Variants in TMUB2 observed in about 807,000 individuals in gnomAD.
TMUB2 encodes transmembrane and ubiquitin like domain containing 2, also known as transmembrane and ubiquitin-like domain-containing protein 2.
Under a neutral mutation model 20.2 loss-of-function variants are expected in TMUB2, and 19 were observed. The ratio of observed to expected loss-of-function variants is 0.94; its 90% confidence interval spans 0.66 to 1.38. The LOEUF (loss-of-function observed/expected upper bound fraction) is 1.38. TMUB2 is among the 40% of genes most tolerant of loss of function. The pLI is 0.00. For synonymous variants in TMUB2, 186 were observed against 166.0 expected, an observed-to-expected ratio of 1.12 and a Z score of -0.92; for missense variants, 426 against 402.5, an observed-to-expected ratio of 1.06 and a Z score of -0.50.
chr17:44,190,659 C>T lies in TMUB2; in HGVS notation c.761C>T (p.Ala254Val), dbSNP rs373496652. ...GGGTCAGCTGTTCCAGGCCCCTCAG[C>T]CTCCTTGGCCCCCTCGGCCACTGAG... Reference protein sequence around the residue: ...PPGSAVPGPSASLAPSATEPP... With the variant: ...PPGSAVPGPSVSLAPSATEPP... The change falls in exon 4 of 4, where the codon GCC becomes GTC. Residue 254 changes from alanine (A) to valine (V), a missense_variant. By Grantham distance (64) the Ala-to-Val change is moderately conservative. Coordinates refer to ENST00000538716, the MANE Select transcript of TMUB2 (RefSeq NM_001076674.3). 214 of 1,614,116 alleles carry T rather than the reference C, an allele frequency of 1.3e-4. No homozygotes were observed. The highest frequency in any genetic ancestry group is 2.2e-4 in the East Asian group (10 of 44,892).
rs1445658598 is a variant in TMUB2, at chr17:44,189,107, GGTGTGGTGGTGCT to G, written c.123_135del (p.Val42PhefsTer2). The G allele has an allele frequency of 6.2e-7, 1 of 1,613,964 alleles. No individual in the cohort carries two copies. The highest frequency in any genetic ancestry group is 8.5e-7 in the Non-Finnish European group (1 of 1,180,026). Reference sequence around the variant, plus strand: ...GGGTAATGAGGTGATGGTGGTGGCAGGTGTGGTGGTGCTGATTCTAGCCTTGGTCCTAGCTTGG... The same window carrying G: ...GGGTAATGAGGTGATGGTGGTGGCAGGATTCTAGCCTTGGTCCTAGCTTGG... On this transcript the variant is annotated frameshift_variant, in exon 3 of 4. Transcript: ENST00000538716. LOFTEE classifies it high-confidence loss of function.
At chr17:44,187,829 C>T in intron 2 of TMUB2, 86 bp downstream of exon 2, 1 of 711,850 alleles carries the variant, frequency 1.4e-6, no homozygotes, top group South Asian at 1.5e-5. Context: ...TAGTAAGACG[C>T]AAGACTGGGG....
In TMUB2 at chr17:44,189,178, C is replaced by T. The variant is rs767098110; in HGVS notation, c.192C>T (p.Asn64=). The T allele has an allele frequency of 3.7e-6, 6 of 1,614,162 alleles. No homozygotes were observed. Among genetic ancestry groups the T allele is most frequent in the Non-Finnish European group, 5.1e-6 (6 of 1,180,030 alleles). The change falls in exon 3 of 4, where the codon AAC becomes AAT. Residue 64 remains asparagine, a synonymous_variant. Coordinates refer to ENST00000538716, the MANE Select transcript of TMUB2 (RefSeq NM_001076674.3). The part of the protein sequence containing the change: ...LSTYVADSGS[N]QLLGAIVSAG... ...CCTACGTAGCAGACAGCGGTAGCAA[C>T]CAGCTCCTGGGCGCTATTGTGTCAG...
rs1041390982 is a variant in TMUB2 at position 44,190,592 on chromosome 17, A to G, written c.694A>G (p.Ile232Val). The change falls in exon 4 of 4, where the codon ATT (isoleucine) becomes GTT (valine). Residue 232 changes from isoleucine to valine, a missense_variant. By Grantham distance (29) the Ile-to-Val change is conservative (BLOSUM62 3). Coordinates refer to ENST00000538716, the MANE Select transcript of TMUB2 (RefSeq NM_001076674.3). Reference sequence around the variant, plus strand: ...AGCCCGCACACTGCGTTCTCTGAACATTACCGACAACTGTGTGATTCACTG... The same window carrying G: ...AGCCCGCACACTGCGTTCTCTGAACGTTACCGACAACTGTGTGATTCACTG... Reference protein sequence around the residue: ...DPARTLRSLNITDNCVIHCHR... With the variant: ...DPARTLRSLNVTDNCVIHCHR... The G allele has an allele frequency of 2.5e-6, 4 of 1,614,150 alleles. No individual in the cohort carries two copies. In the East Asian group the frequency reaches 8.9e-5, roughly 36 times the overall value.
At position 44,191,166 on chromosome 17, in the gene TMUB2, T is replaced by G; in HGVS notation, c.*302T>G. On this transcript the variant is annotated 3_prime_UTR_variant, in exon 4 of 4. Transcript: ENST00000538716. ...TCAGTGGGGAGCCTGGGCTCTGAGA[T>G]TCCCTCCCACCTGTGGTTCTGACTC... is the stretch of plus-strand genomic sequence containing the variant. 16 of 1,125,282 alleles carry G rather than the reference T, an allele frequency of 1.4e-5. No homozygotes were observed. The highest frequency in any genetic ancestry group is 1.3e-4 in the East Asian group (2 of 15,552). 69.7% of individuals were successfully genotyped at this position (1,125,282 alleles called of 1,614,324 possible).
rs764569193 is a variant in TMUB2 at position 44,189,412 on chromosome 17, C to T, written c.426C>T (p.Gly142=). 6.2e-7 allele frequency: 1 copy of T among 1,613,906 alleles called. No individual in the cohort carries two copies. The highest frequency in any genetic ancestry group is 8.5e-7 in the Non-Finnish European group (1 of 1,179,940). The change falls in exon 3 of 4, where the codon GGC becomes GGT. Residue 142 remains glycine (G), a synonymous_variant. Transcript: ENST00000538716. ...PSLEHLLDIQ[G]LPKRQAGAGS... is the part of the protein sequence containing the mutation. ...TTGAGCATCTCCTTGACATCCAAGGCCTGCCCAAAAGACAAGCAGGTGCAG... is the reference window on the plus strand; with the variant it reads ...TTGAGCATCTCCTTGACATCCAAGGTCTGCCCAAAAGACAAGCAGGTGCAG...
chr17:44,191,575 G>T lies in TMUB2; in HGVS notation c.*711G>T. The T allele has an allele frequency of 2.0e-6, 2 of 986,074 alleles. No individual in the cohort carries two copies. Among genetic ancestry groups the T allele is most frequent in the Non-Finnish European group, 2.4e-6 (2 of 830,070 alleles). 61.1% of individuals were successfully genotyped at this position (986,074 alleles called of 1,614,324 possible). On this transcript the variant is annotated 3_prime_UTR_variant, in exon 4 of 4. Coordinates refer to ENST00000538716, the MANE Select transcript of TMUB2 (RefSeq NM_001076674.3). ...ACAGCTGCTGCTCCCGTAGTCCTCAGGCTGTAAGCAAGAGACAGCACTGGC... is the reference window on the plus strand; with the variant it reads ...ACAGCTGCTGCTCCCGTAGTCCTCATGCTGTAAGCAAGAGACAGCACTGGC...
chr17:44,191,465 ATTTTT>A lies in TMUB2; in HGVS notation c.*604_*608del, dbSNP rs936725718. On this transcript the variant is annotated 3_prime_UTR_variant, in exon 4 of 4. Transcript: ENST00000538716. ...AAGCACTTTGCTTGCATTTTATTTT[ATTTTT>A]TTAAGAGTCCTTCATAGAGCTCAGT... 2.0e-6 allele frequency: 2 copies of A among 985,606 alleles called. No individual in the cohort carries two copies. The highest frequency in any genetic ancestry group is 6.2e-5 in the Admixed American group (1 of 16,258). The allele number at this position is 985,606 out of a possible 1,614,324, so 61.1% of individuals were successfully genotyped here.
In TMUB2 at chr17:44,189,533, G is replaced by A. The variant is rs1379157905; in HGVS notation, c.547G>A (p.Asp183Asn). Reference sequence around the variant, plus strand: ...CACTGTGCGGCTCAAATTCCTCAATGATACCGAGGAGCTGGCTGTGGCTAG... The same window carrying A: ...CACTGTGCGGCTCAAATTCCTCAATAATACCGAGGAGCTGGCTGTGGCTAG... ...LITVRLKFLN[D>N]TEELAVARPE... Residue 183 changes from aspartate (D) to asparagine (N), a missense_variant, in exon 3 of 4, where the codon GAT (aspartate) becomes AAT (asparagine). Coordinates refer to ENST00000538716, the MANE Select transcript of TMUB2 (RefSeq NM_001076674.3). 1 of 1,613,234 alleles carries A rather than the reference G, an allele frequency of 6.2e-7. No individual in the cohort carries two copies. The highest frequency in any genetic ancestry group is 2.2e-5 in the East Asian group (1 of 44,876).
intron 2 of TMUB2, chr17:44,187,994 A>G: frequency 1.9e-6 from 1 of 534,488 alleles, no homozygotes; most frequent in South Asian, 2.3e-5. Context: ...CAGGAGTCTA[A>G]TAGAAAGATG....
chr17:44,190,407 G>T, intron 3 of TMUB2, 94 bp from the exon 4 acceptor site: 16 of 1,117,726 alleles, frequency 1.4e-5, no homozygotes, highest in Admixed American at 2.7e-5. Flanking sequence ...CCACCCTCCA[G>T]TTTTTCCCCA....
rs1598186654 is a variant in TMUB2 at position 44,191,426 on chromosome 17, C to T, written c.*562C>T. ...CTACCCCTTAGCAGGAATAGGGTGT[C>T]CTCCCTTCTTTCAAAGCACTTTGCT... On this transcript the variant is annotated 3_prime_UTR_variant, in exon 4 of 4. Transcript: ENST00000538716. The T allele has an allele frequency of 1.0e-6, 1 of 986,028 alleles. No individual in the cohort carries two copies. Among genetic ancestry groups the T allele is most frequent in the East Asian group, 1.1e-4 (1 of 8,836 alleles). 61.1% of individuals were successfully genotyped at this position (986,028 alleles called of 1,614,324 possible).
rs760593580 is a variant in TMUB2, at chr17:44,190,732, T to C, written c.834T>C (p.Phe278=). The C allele has an allele frequency of 2.5e-6, 4 of 1,614,226 alleles. No individual in the cohort carries two copies. Among genetic ancestry groups the C allele is most frequent in the Admixed American group, 3.3e-5 (2 of 60,026 alleles). Residue 278 remains phenylalanine, a synonymous_variant, in exon 4 of 4, where the codon TTT becomes TTC. Coordinates refer to ENST00000538716, the MANE Select transcript of TMUB2 (RefSeq NM_001076674.3). ...VNVGSLMVPV[F]VVLLGVVWYF... is the part of the protein sequence containing the mutation. ...TGGGCAGCCTCATGGTGCCTGTCTTTGTGGTGCTGTTGGGTGTGGTCTGGT... is the reference window on the plus strand; with the variant it reads ...TGGGCAGCCTCATGGTGCCTGTCTTCGTGGTGCTGTTGGGTGTGGTCTGGT...
chr17:44,189,001 T>C, intron 2 of TMUB2, 21 bp from the exon 3 acceptor site: 1 of 1,601,566 alleles, frequency 6.2e-7, no homozygotes, highest in Non-Finnish European at 8.5e-7. Context: ...CTGCTGATGC[T>C]GTCCCCCTTT....
At position 44,190,736 on chromosome 17, in the gene TMUB2, G is replaced by C; in HGVS notation, c.838G>C (p.Val280Leu). 1 of 1,614,232 alleles carries C rather than the reference G, an allele frequency of 6.2e-7. No homozygotes were observed. Among genetic ancestry groups the C allele is most frequent in the Non-Finnish European group, 8.5e-7 (1 of 1,180,046 alleles). Residue 280 changes from valine to leucine, a missense_variant, in exon 4 of 4, where the codon GTG becomes CTG. Physicochemically the swap from Val to Leu is conservative, Grantham distance 32. Transcript: ENST00000538716. Reference protein sequence around the residue: ...VGSLMVPVFVVLLGVVWYFRI... With the variant: ...VGSLMVPVFVLLLGVVWYFRI... Reference sequence around the variant, plus strand: ...CAGCCTCATGGTGCCTGTCTTTGTGGTGCTGTTGGGTGTGGTCTGGTACTT... The same window carrying C: ...CAGCCTCATGGTGCCTGTCTTTGTGCTGCTGTTGGGTGTGGTCTGGTACTT...
chr17:44,187,409 C>T (rs2054602982), intron 1 of TMUB2: 2 of 422,082 alleles, frequency 4.7e-6, no homozygotes, highest in African/African-American at 2.0e-5. Flanking sequence ...GGGTGCGGGA[C>T]CCCTCCTCAC....
Position 44,189,247 on chromosome 17 carries a change from G to A in TMUB2, c.261G>A (p.Leu87=), listed in dbSNP as rs766983211. ...SVLHLGHVDH[L]VAGQGNPEPT... ...TCCACCTGGGGCATGTGGACCACCT[G>A]GTGGCAGGCCAAGGCAACCCCGAGC... The change falls in exon 3 of 4, where the codon CTG becomes CTA. Residue 87 remains leucine, a synonymous_variant. Coordinates refer to ENST00000538716, the MANE Select transcript of TMUB2 (RefSeq NM_001076674.3). 7.4e-6 allele frequency: 12 copies of A among 1,611,456 alleles called. No individual in the cohort carries two copies. Among genetic ancestry groups the A allele is most frequent in the African/African-American group, 1.3e-5 (1 of 74,900 alleles).
intron 3 of TMUB2, 79 bp from the exon 4 acceptor site, chr17:44,190,422 C>A: frequency 6.8e-7 from 1 of 1,460,332 alleles, no homozygotes; most frequent in South Asian, 1.4e-5. Context: ...TCCCCACTCC[C>A]CTGCTTTGTT....
In TMUB2 at chr17:44,187,684, GCA is replaced by G. The variant is rs750344338; in HGVS notation, c.-23_-22del. 6.4e-5 allele frequency: 46 copies of G among 718,462 alleles called. No individual in the cohort carries two copies. Among genetic ancestry groups the G allele is most frequent in the Non-Finnish European group, 1.1e-4 (41 of 385,072 alleles). The allele number at this position is 718,462 out of a possible 1,614,324, so 44.5% of individuals were successfully genotyped here. On this transcript the variant is annotated 5_prime_UTR_variant, in exon 2 of 4. Transcript: ENST00000538716. ...GCAATTGCAATTTGCAGTGTGCCAG[GCA>G]CTGTGCCAAGTATTTTGCTTCGATG...
Sources: gnomAD v4.1 joint callset for allele counts on GRCh38, gnomAD v4.1.1 for gene constraint, MANE v1.5 for transcripts, NCBI Gene and HGNC (gene_info 2026-07-23, HGNC 2026-07-21) for gene names.